ANK2: variants seen among roughly 807,000 people sequenced by gnomAD.
ANK2 encodes the protein ankyrin-2.
Under a neutral mutation model 360.5 loss-of-function variants are expected in ANK2, and 83 were observed. The ratio of observed to expected loss-of-function variants is 0.23; its 90% confidence interval spans 0.19 to 0.28. The LOEUF is 0.28. Ranked by LOEUF, ANK2 falls within the 10% of genes least tolerant of loss-of-function variation. ANK2 has a pLI of 1.00. For missense variants in ANK2, 4,201 were observed against 4,795.7 expected (o/e 0.88, Z 3.66); for synonymous variants, 1,740 against 1,759.5 (o/e 0.99, Z 0.28).
chr4:112,811,716 A>G, the ANK2 span, among the ~76,000 whole-genome samples: 7 of 152,148 alleles, frequency 4.6e-5, no homozygotes, highest in African/African-American at 1.7e-4. Flanking sequence ...GATTTTTCCA[A>G]TTGTTAGTGT....
intron 4 of ANK2, among the ~76,000 whole-genome samples, chr4:113,200,413 A>G (rs2098812858): frequency 6.6e-6 from 1 of 152,190 alleles, no homozygotes; most frequent in African/African-American, 2.4e-5. Context: ...TTACATGGGT[A>G]TATTATGTAA....
chr4:113,277,766 A>C (rs2060758124), intron 15 of ANK2, 71 bp from the exon 16 acceptor site: 2 of 1,291,306 alleles, frequency 1.5e-6, no homozygotes, highest in South Asian at 2.4e-5. Flanking sequence ...TCAATATGTT[A>C]ACAAATAAAA....
chr4:112,820,641 G>T (rs1247710215), intron 1 of ANK2, among the ~76,000 whole-genome samples: 2 of 152,166 alleles, frequency 1.3e-5, no homozygotes, highest in African/African-American at 4.8e-5. Flanking sequence ...TTGCTATGTT[G>T]TCCAAGCTGG....
chr4:113,059,175 A>G (rs2071780802), intron 1 of ANK2, among the ~76,000 whole-genome samples: 1 of 152,212 alleles, frequency 6.6e-6, no homozygotes, highest in Non-Finnish European at 1.5e-5. Context: ...ATTTCGACTT[A>G]GGGATCTTGA....
At chr4:112,774,225 A>G in the ANK2 span, among the ~76,000 whole-genome samples, 1 of 152,036 alleles carries the variant, frequency 6.6e-6, no homozygotes, top group African/African-American at 2.4e-5. Flanking sequence ...ATGTATTGTA[A>G]GATATAAATA....
chr4:113,256,004 G>A, intron 11 of ANK2, 72 bp downstream of exon 11: 2 of 1,507,142 alleles, frequency 1.3e-6, no homozygotes, highest in East Asian at 2.3e-5. Flanking sequence ...TGACCAACAT[G>A]CATACACCAG....
At chr4:113,168,853 G>A (rs1009662953) in intron 1 of ANK2, among the ~76,000 whole-genome samples, 1 of 152,174 alleles carries the variant, frequency 6.6e-6, no homozygotes, top group African/African-American at 2.4e-5. Flanking sequence ...TTGGACAGAA[G>A]TATAAATCTG....
intron 24 of ANK2, among the ~76,000 whole-genome samples, chr4:113,316,085 A>C (rs979032484): frequency 6.6e-6 from 1 of 152,136 alleles, no homozygotes; most frequent in Non-Finnish European, 1.5e-5. Flanking sequence ...CAAAAGCTAA[A>C]TGTAAAACCA....
rs530409685 is a variant in ANK2 at position 112,912,878 on chromosome 4, A to T, written c.21+8364A>T. On this transcript the variant is annotated intron_variant, in intron 2 of 30. Coordinates refer to the ANK2 transcript ENST00000503271. ...TAAATAAATAAATAAATATTAAAAA[A>T]TAATTTTCAGATTCTAGAAATGACT... Among the ~76,000 whole-genome samples the T allele has an allele frequency of 1.1e-4, 17 of 152,194 alleles. 1 individual carries two copies. The East Asian group carries it at 3.3e-3, about 29-fold the overall frequency.
chr4:112,739,571 A>G, the ANK2 span, among the ~76,000 whole-genome samples: 3 of 152,144 alleles, frequency 2.0e-5, no homozygotes, highest in African/African-American at 7.2e-5. Context: ...CTGAGATTGC[A>G]CTACTACACT....
chr4:112,743,454 T>G, the ANK2 span, among the ~76,000 whole-genome samples: 2 of 152,008 alleles, frequency 1.3e-5, no homozygotes, highest in African/African-American at 4.8e-5. Context: ...GTAATTAGGT[T>G]GGTGCAAAAG....
chr4:113,348,141 A>G (rs764891845), intron 35 of ANK2, 135 bp from the exon 36 acceptor site: 11 of 826,612 alleles, frequency 1.3e-5, no homozygotes, highest in Non-Finnish European at 2.0e-5. Flanking sequence ...TAATAAAAAA[A>G]GAGTATGTTG....
At chr4:113,324,609 T>G (rs563907055) in intron 26 of ANK2, among the ~76,000 whole-genome samples, 1 of 152,300 alleles carries the variant, frequency 6.6e-6, no homozygotes, top group African/African-American at 2.4e-5. Flanking sequence ...TTAAAAAATT[T>G]GAACCACTTT....
chr4:113,281,301 G>A (rs1179107073), intron 17 of ANK2, among the ~76,000 whole-genome samples: 1 of 152,094 alleles, frequency 6.6e-6, no homozygotes, highest in Admixed American at 6.6e-5. Context: ...ACTTTAGGGG[G>A]CCAAGGTGGG....
intron 2 of ANK2, among the ~76,000 whole-genome samples, chr4:113,183,623 G>T (rs1164617890): frequency 2.0e-5 from 3 of 152,192 alleles, no homozygotes; most frequent in Admixed American, 6.5e-5. Flanking sequence ...AGGATTTCTG[G>T]AGTTGGATGA....
intron 2 of ANK2, among the ~76,000 whole-genome samples, chr4:112,920,370 C>A (rs2091149647): frequency 6.6e-6 from 1 of 152,052 alleles, no homozygotes; most frequent in African/African-American, 2.4e-5. Context: ...TGGGAAATGT[C>A]CATATATACT....
intron 2 of ANK2, among the ~76,000 whole-genome samples, chr4:112,926,965 C>T (rs1581285814): frequency 1.3e-5 from 2 of 152,170 alleles, no homozygotes; most frequent in African/African-American, 4.8e-5. Context: ...AACTTACAAT[C>T]ATGGCCAAAG....
In ANK2 at chr4:113,354,633, A is replaced by T; in HGVS notation, c.6015A>T (p.Lys2005Asn). 1 of 1,614,164 alleles carries T rather than the reference A, an allele frequency of 6.2e-7. No individual in the cohort carries two copies. Among genetic ancestry groups the T allele is most frequent in the South Asian group, 1.1e-5 (1 of 91,080 alleles). The change falls in exon 38 of 46, where the codon AAA (lysine) becomes AAT (asparagine). Residue 2005 changes from lysine to asparagine, a missense_variant. Lys to Asn is a moderately conservative substitution (Grantham distance 94). Coordinates refer to ENST00000357077, the MANE Select transcript of ANK2 (RefSeq NM_001148.6). ...TCCAGTCAGGTCAGGACCCTTCTAAACATAAAACTGGACTCTTTGAGCACA... is the reference window on the plus strand; with the variant it reads ...TCCAGTCAGGTCAGGACCCTTCTAATCATAAAACTGGACTCTTTGAGCACA... ...KAFQSGQDPS[K>N]HKTGLFEHKS...
In ANK2 at chr4:113,293,496, C is replaced by T. The variant is rs2153746997; in HGVS notation, c.2433C>T (p.Asp811=). 6.8e-6 allele frequency: 11 copies of T among 1,613,814 alleles called. No homozygotes were observed. Among genetic ancestry groups the T allele is most frequent in the Non-Finnish European group, 8.5e-6 (10 of 1,180,024 alleles). The change falls in exon 22 of 46, where the codon GAC becomes GAT. Residue 811 remains aspartate, a synonymous_variant. Coordinates refer to ENST00000357077, the MANE Select transcript of ANK2 (RefSeq NM_001148.6). ...GTCTGGGCTACATCTCCGTGGTCGACACCCTGAAGGTTGTGACTGAGGAGG... is the reference window on the plus strand; with the variant it reads ...GTCTGGGCTACATCTCCGTGGTCGATACCCTGAAGGTTGTGACTGAGGAGG... ...AKRLGYISVV[D]TLKVVTEEVT...
Sources: gnomAD v4.1 joint callset for allele counts (sites outside exome capture counted in the v4.1 genomes callset) on GRCh38, gnomAD v4.1.1 for gene constraint, MANE v1.5 for transcripts, NCBI Gene and HGNC (gene_info 2026-07-23, HGNC 2026-07-21) for gene names.